The following ENAH variants were observed in gnomAD, a reference collection of about 807,000 sequenced individuals.
The protein encoded by ENAH is ENAH actin regulator, also known as protein enabled homolog.
A neutral mutation model predicts 78.7 loss-of-function variants in ENAH; 23 were observed. That is an observed-to-expected ratio of 0.29 (90% CI 0.21 to 0.41). The LOEUF (loss-of-function observed/expected upper bound fraction) is 0.41, where lower values mean the gene tolerates loss of function less well. Ranked by LOEUF, ENAH falls within the 10% of genes least tolerant of loss-of-function variation. ENAH has a pLI of 1.00. For missense variants in ENAH, 544 were observed against 691.0 expected (o/e 0.79, Z 2.39); for synonymous variants, 226 against 241.0 (o/e 0.94, Z 0.58).
intron 2 of ENAH, among the ~76,000 whole-genome samples, chr1:225,558,225 G>T (rs568386065): frequency 6.6e-6 from 1 of 152,088 alleles, no homozygotes; most frequent in Non-Finnish European, 1.5e-5. Flanking sequence ...GACTTAAAAT[G>T]AATTGGCACT....
At chr1:225,641,469 T>TA (rs76444455) in intron 1 of ENAH, among the ~76,000 whole-genome samples, 2,208 of 51,780 alleles carry the variant, frequency 0.043, 75 homozygotes, top group African/African-American at 0.11. Flanking sequence ...ACTCCATCTC[T>TA]AAAAAAAAAA....
chr1:225,557,242 T>C (rs528087779), intron 2 of ENAH, among the ~76,000 whole-genome samples: 107 of 152,330 alleles, frequency 7.0e-4, no homozygotes, highest in Admixed American at 1.7e-3. Flanking sequence ...TATAGGGGTC[T>C]TGAGGATCTT....
At chr1:225,520,057 G>T (rs1352430732) in intron 4 of ENAH, among the ~76,000 whole-genome samples, 4 of 152,188 alleles carry the variant, frequency 2.6e-5, no homozygotes, top group Non-Finnish European at 5.9e-5. Flanking sequence ...ACTTTGGGAG[G>T]CCGAGGCAGG....
chr1:225,622,732 G>A (rs189557972), intron 1 of ENAH, among the ~76,000 whole-genome samples: 1 of 151,482 alleles, frequency 6.6e-6, no homozygotes, highest in Non-Finnish European at 1.5e-5. Context: ...CATCACCTTG[G>A]GGGTAGGTTT....
intron 1 of ENAH, among the ~76,000 whole-genome samples, chr1:225,588,212 G>T (rs1575622617): frequency 1.3e-5 from 2 of 152,054 alleles, no homozygotes; most frequent in African/African-American, 4.8e-5. Flanking sequence ...AAAAGGGAGA[G>T]AATGCATACA....
chr1:225,647,141 G>A (rs566956733), intron 1 of ENAH, among the ~76,000 whole-genome samples: 20 of 152,226 alleles, frequency 1.3e-4, no homozygotes, highest in Admixed American at 8.5e-4. Context: ...CTAGAGAATT[G>A]CTTGAACCCA....
At chr1:225,592,326 A>G (rs977203671) in intron 1 of ENAH, among the ~76,000 whole-genome samples, 1 of 152,142 alleles carries the variant, frequency 6.6e-6, no homozygotes, top group African/African-American at 2.4e-5. Flanking sequence ...TGCCAGTCTG[A>G]TATGTGGGGA....
Position 225,514,837 on chromosome 1 carries a change from G to C in ENAH, c.977C>G (p.Ala326Gly), listed in dbSNP as rs2096405351. Residue 326 changes from alanine (A) to glycine (G), a missense_variant, in exon 7 of 14, where the codon GCT (alanine) becomes GGT (glycine). Physicochemically the swap from Ala to Gly is moderately conservative, Grantham distance 60. Coordinates refer to ENST00000366843, the MANE Select transcript of ENAH (RefSeq NM_018212.6). ...TGGGGGAGGAGGGAGGGCTACTGAA[G>C]CCTGTGCAGGCCCTGGTGGGAGTGG... is the stretch of plus-strand genomic sequence containing the variant. The part of the protein sequence containing the change: ...PPPLPPGPAQ[A>G]SVALPPPPGP... 1 of 1,595,956 alleles carries C rather than the reference G, an allele frequency of 6.3e-7. No homozygotes were observed. The highest frequency in any genetic ancestry group is 1.8e-5 in the Admixed American group (1 of 54,498).
chr1:225,529,452 G>A (rs1018704133), intron 4 of ENAH, among the ~76,000 whole-genome samples: 3 of 151,970 alleles, frequency 2.0e-5, no homozygotes, highest in South Asian at 2.1e-4. Flanking sequence ...AGTAATGGAC[G>A]GAAAAATAAA....
intron 1 of ENAH, among the ~76,000 whole-genome samples, chr1:225,588,138 T>G (rs1187849842): frequency 2.0e-5 from 3 of 151,868 alleles, no homozygotes; most frequent in Non-Finnish European, 4.4e-5. Context: ...TTTAAGAAAA[T>G]GCATAGAGTA....
At position 225,558,410 on chromosome 1, in the gene ENAH, C is replaced by T. The variant is rs539277292; in HGVS notation, c.172-3327G>A. ...AGTCTTAATTTCTTTAAAGTGTTTT[C>T]GTAGGAATTTCTACATCTACATTTT... is the stretch of plus-strand genomic sequence containing the variant. On this transcript the variant is annotated intron_variant, in intron 2 of 13. Coordinates refer to ENST00000366843, the MANE Select transcript of ENAH (RefSeq NM_018212.6). 1.3e-3 allele frequency among the ~76,000 whole-genome samples: 201 copies of T among 152,132 alleles called. 1 individual carries two copies. The highest frequency in any genetic ancestry group is 2.4e-3 in the Non-Finnish European group (162 of 68,008).
chr1:225,594,219 T>C (rs546537089), intron 1 of ENAH, among the ~76,000 whole-genome samples: 29 of 152,338 alleles, frequency 1.9e-4, no homozygotes, highest in African/African-American at 7.0e-4. Context: ...CAATATATTT[T>C]ACTTCTAATT....
intron 2 of ENAH, among the ~76,000 whole-genome samples, chr1:225,563,174 C>T (rs2096717134): frequency 1.3e-5 from 2 of 152,116 alleles, no homozygotes; most frequent in Admixed American, 1.3e-4. Flanking sequence ...CTTGTTAGTT[C>T]TAATAGTTTA....
chr1:225,544,559 C>T (rs888058220), intron 3 of ENAH, among the ~76,000 whole-genome samples: 1 of 152,132 alleles, frequency 6.6e-6, no homozygotes, highest in Non-Finnish European at 1.5e-5. Flanking sequence ...GACATGAAAC[C>T]CATATTTATC....
intron 11 of ENAH, among the ~76,000 whole-genome samples, chr1:225,507,512 G>A (rs1471733603): frequency 2.0e-5 from 3 of 152,058 alleles, no homozygotes; most frequent in Non-Finnish European, 2.9e-5. Flanking sequence ...AGTATTTAGG[G>A]TGAAACAGTT....
At chr1:225,615,012 G>A (rs1017656249) in intron 1 of ENAH, among the ~76,000 whole-genome samples, 3 of 149,354 alleles carry the variant, frequency 2.0e-5, no homozygotes, top group Non-Finnish European at 4.5e-5. Context: ...CTCCCTCCAC[G>A]GTCTCCCTCT....
At chr1:225,600,872 TAA>T (rs1206988377) in intron 1 of ENAH, among the ~76,000 whole-genome samples, 1 of 151,416 alleles carries the variant, frequency 6.6e-6, no homozygotes, top group African/African-American at 2.4e-5. Context: ...TACCAGGAAA[TAA>T]AAAAGACTAA....
intron 9 of ENAH, 37 bp from the exon 10 acceptor site, chr1:225,511,896 A>AAT (rs2096379605): frequency 7.1e-7 from 1 of 1,400,000 alleles, no homozygotes; most frequent in Non-Finnish European, 1.0e-6. Context: ...CACATCTACC[A>AAT]GTCCCCTGTT....
At chr1:225,631,840 C>G (rs755735723) in intron 1 of ENAH, among the ~76,000 whole-genome samples, 6 of 151,950 alleles carry the variant, frequency 3.9e-5, no homozygotes, top group Non-Finnish European at 7.4e-5. Context: ...TAATAGCATA[C>G]CCACAGATTT....
Sources: allele counts gnomAD v4.1 joint callset (sites outside exome capture counted in the v4.1 genomes callset), GRCh38; gene constraint gnomAD v4.1.1; transcripts MANE v1.5; gene names NCBI Gene and HGNC (gene_info 2026-07-23, HGNC 2026-07-21).